MYLK4: variants seen among roughly 807,000 people sequenced by gnomAD.
MYLK4 encodes the protein myosin light chain kinase family member 4, also known as caMLCK like.
MYLK4 carries 46 observed loss-of-function variants against 48.1 expected under a neutral mutation model. The ratio of observed to expected loss-of-function variants is 0.96; its 90% CI spans 0.75 to 1.22. MYLK4 has a LOEUF of 1.22. Among genes scored for constraint, MYLK4 ranks in the 50% most tolerant of loss-of-function variants. MYLK4 has a pLI of 0.00. For synonymous variants in MYLK4, 170 were observed against 180.8 expected (o/e 0.94, Z 0.48); for missense variants, 451 against 486.1 (o/e 0.93, Z 0.68).
At chr6:2,727,158 T>A (rs17135639) in intron 2 of MYLK4, among the ~76,000 whole-genome samples, 5,625 of 152,266 alleles carry the variant, frequency 0.037, 255 homozygotes, top group East Asian at 0.27. Context: ...GGTCTCACTG[T>A]CAGTTTTCAC....
At chr6:2,703,831 C>T (rs113020927) in intron 2 of MYLK4, among the ~76,000 whole-genome samples, 3,069 of 152,124 alleles carry the variant, frequency 0.02, 85 homozygotes, top group African/African-American at 0.071. Context: ...CCACCACGCC[C>T]ACCTAATTTT....
chr6:2,714,334 C>A (rs1303044718), intron 2 of MYLK4, among the ~76,000 whole-genome samples: 2 of 152,234 alleles, frequency 1.3e-5, no homozygotes, highest in African/African-American at 4.8e-5. Context: ...AAGTAAACTG[C>A]CCCTCAATTT....
intron 2 of MYLK4, among the ~76,000 whole-genome samples, chr6:2,708,271 C>G (rs1483070802): frequency 6.6e-6 from 1 of 152,156 alleles, no homozygotes; most frequent in Non-Finnish European, 1.5e-5. Context: ...GTACTATTCC[C>G]TGATGAAAAC....
rs1561832451 is a variant in MYLK4, at chr6:2,678,343, T to A, written c.917A>T (p.Asp306Val). ...GTTGTTCAGCGTCTCAGCATCATTG[T>A]CACCCAGGAAAGGCGACAAACCGCT... ...LLSGLSPFLG[D>V]NDAETLNNIL... The change falls in exon 10 of 13, where the codon GAC becomes GTC. Residue 306 changes from aspartate to valine, a missense_variant. Transcript: ENST00000274643. 6.2e-7 allele frequency: 1 copy of A among 1,613,970 alleles called. No individual in the cohort carries two copies. Among genetic ancestry groups the A allele is most frequent in the Non-Finnish European group, 8.5e-7 (1 of 1,180,012 alleles).
At chr6:2,709,010 G>A (rs781464347) in intron 2 of MYLK4, among the ~76,000 whole-genome samples, 1 of 152,062 alleles carries the variant, frequency 6.6e-6, no homozygotes, top group Non-Finnish European at 1.5e-5. Flanking sequence ...TCCTGTTAGT[G>A]GTACTCATCA....
intron 2 of MYLK4, among the ~76,000 whole-genome samples, chr6:2,720,046 A>G (rs1763012530): frequency 6.6e-6 from 1 of 152,160 alleles, no homozygotes; most frequent in Non-Finnish European, 1.5e-5. Flanking sequence ...ATTTTTAAAG[A>G]TTTCCCAGGT....
At chr6:2,730,243 AG>A (rs1247699516) in intron 2 of MYLK4, among the ~76,000 whole-genome samples, 1 of 152,216 alleles carries the variant, frequency 6.6e-6, no homozygotes, top group Non-Finnish European at 1.5e-5. Context: ...GTGAGCCAAC[AG>A]GGCACGTAGA....
chr6:2,679,217 G>A, intron 9 of MYLK4, 63 bp downstream of exon 9: 3 of 1,595,186 alleles, frequency 1.9e-6, no homozygotes, highest in Non-Finnish European at 2.6e-6. Flanking sequence ...ATTTAAAACG[G>A]CAAAACCTCA....
intron 2 of MYLK4, among the ~76,000 whole-genome samples, chr6:2,703,739 C>T (rs142031830): frequency 3.3e-4 from 40 of 121,828 alleles, no homozygotes; most frequent in African/African-American, 1.2e-3. Context: ...AGCACGATTT[C>T]GGCTCACTGC....
chr6:2,680,453 G>T (rs1203984197), intron 7 of MYLK4, 162 bp from the exon 8 acceptor site: 1 of 985,236 alleles, frequency 1.0e-6, no homozygotes, highest in Non-Finnish European at 1.2e-6. Context: ...TTAATTATGT[G>T]GTGGATGAGG....
intron 2 of MYLK4, among the ~76,000 whole-genome samples, chr6:2,737,899 C>CT (rs11290655): frequency 1.9e-3 from 234 of 125,928 alleles, no homozygotes; most frequent in South Asian, 5.8e-3. Flanking sequence ...GTTCATGTAG[C>CT]TTTTTTTTTT....
intron 4 of MYLK4, 61 bp downstream of exon 4, chr6:2,688,790 C>T (rs770751069): frequency 2.2e-5 from 29 of 1,319,012 alleles, no homozygotes; most frequent in Admixed American, 1.0e-4. Context: ...CAGACATTTA[C>T]GAAGTCATTT....
intron 10 of MYLK4, among the ~76,000 whole-genome samples, chr6:2,676,237 C>T (rs1256308340): frequency 6.6e-6 from 1 of 152,118 alleles, no homozygotes; most frequent in Non-Finnish European, 1.5e-5. Flanking sequence ...TCATCAGATA[C>T]CAAAATATTT....
At chr6:2,714,071 T>TA (rs1466787834) in intron 2 of MYLK4, among the ~76,000 whole-genome samples, 10 of 152,188 alleles carry the variant, frequency 6.6e-5, no homozygotes, top group African/African-American at 2.4e-4. Flanking sequence ...GTGCAGCTGC[T>TA]ACAGCAAGCA....
chr6:2,687,334 A>G (rs1389521950), intron 4 of MYLK4, among the ~76,000 whole-genome samples: 1 of 152,204 alleles, frequency 6.6e-6, no homozygotes, highest in Non-Finnish European at 1.5e-5. Flanking sequence ...TGCTGAGTGA[A>G]TTACGGCTGC....
At chr6:2,712,580 G>A (rs1217118547) in intron 2 of MYLK4, among the ~76,000 whole-genome samples, 2 of 152,200 alleles carry the variant, frequency 1.3e-5, no homozygotes, top group African/African-American at 2.4e-5. Context: ...AAAGTCATAA[G>A]CAATAGCTTC....
chr6:2,679,297 C>A lies in MYLK4; in HGVS notation c.870G>T (p.Gly290=), dbSNP rs748391944. 3.7e-6 allele frequency: 6 copies of A among 1,613,990 alleles called. No homozygotes were observed. The South Asian group carries it at 6.6e-5, about 18-fold the overall frequency. The change falls in exon 9 of 13, where the codon GGG becomes GGT. Residue 290 remains glycine, a synonymous_variant. Transcript: ENST00000274643. ...VSFPTDMWSV[G]VIAYMLLSGL... is the part of the protein sequence containing the mutation. ...CTACTCACAGCATATAGGCGATGACCCCCACACTCCACATGTCAGTGGGAA... is the reference window on the plus strand; with the variant it reads ...CTACTCACAGCATATAGGCGATGACACCCACACTCCACATGTCAGTGGGAA...
intron 10 of MYLK4, among the ~76,000 whole-genome samples, chr6:2,677,358 C>T (rs1409890260): frequency 6.6e-6 from 1 of 152,104 alleles, no homozygotes; most frequent in African/African-American, 2.4e-5. Context: ...CTGTGACACC[C>T]TTCTACCTGT....
chr6:2,752,201 T>A (rs1008549082), upstream of MYLK4, among the ~76,000 whole-genome samples: 1 of 152,222 alleles, frequency 6.6e-6, no homozygotes, highest in African/African-American at 2.4e-5. Flanking sequence ...CTTATTTTTT[T>A]GTAATAAACT....
Sources: gnomAD v4.1 joint callset for allele counts (sites outside exome capture counted in the v4.1 genomes callset) on GRCh38, gnomAD v4.1.1 for gene constraint, MANE v1.5 for transcripts, NCBI Gene and HGNC (gene_info 2026-07-23, HGNC 2026-07-21) for gene names.